Variants in ST3GAL2 observed in about 807,000 individuals in gnomAD.
ST3GAL2 encodes CMP-N-acetylneuraminate-beta-galactosamide-alpha-2,3-sialyltransferase 2.
In ST3GAL2, 16 loss-of-function variants were observed where a neutral mutation model predicts 37.5. The observed-to-expected ratio is 0.43, with a 90% CI of 0.29 to 0.65. The LOEUF is 0.65. ST3GAL2 is among the 30% of genes least tolerant of loss of function. The pLI, the probability that ST3GAL2 is intolerant of heterozygous loss-of-function variation, is 0.17. For synonymous variants in ST3GAL2, 238 were observed against 202.9 expected, an observed-to-expected ratio of 1.17 and a Z score of -1.47; for missense variants, 383 against 487.8, an observed-to-expected ratio of 0.79 and a Z score of 2.02.
chr16:70,387,310 G>A (rs1030398074), intron 4 of ST3GAL2, among the ~76,000 whole-genome samples: 4 of 151,760 alleles, frequency 2.6e-5, no homozygotes, highest in Admixed American at 6.6e-5. Context: ...ATCTCAACAC[G>A]ATGGGAGCCT....
At position 70,388,692 on chromosome 16, in the gene ST3GAL2, A is replaced by C. The variant is rs149319450; in HGVS notation, c.534-146T>G. The C allele has an allele frequency of 1.8e-4, 156 of 865,972 alleles. 1 individual carries two copies. In the African/African-American group the frequency reaches 2.4e-3, roughly 13 times the overall value. 53.6% of individuals were successfully genotyped at this position (865,972 alleles called of 1,614,324 possible). A position where few individuals can be genotyped will look rare whatever the true frequency, so the allele number is the denominator to read the frequency against. On this transcript the variant is annotated intron_variant, in intron 3 of 6. Coordinates refer to ENST00000342907, the MANE Select transcript of ST3GAL2 (RefSeq NM_006927.4). ...TTCCATTGCTAGAAATCTGCCCTAT[A>C]AAAATGGTTACAAAGGTGTGCAAAG...
intron 4 of ST3GAL2, among the ~76,000 whole-genome samples, chr16:70,387,817 C>G (rs997719483): frequency 2.6e-5 from 4 of 151,918 alleles, no homozygotes; most frequent in Non-Finnish European, 4.4e-5. Context: ...GAAAGGAGAC[C>G]AAAACCAGAT....
chr16:70,394,103 CCTGTT>C (rs1328077723), intron 3 of ST3GAL2, among the ~76,000 whole-genome samples: 1 of 152,166 alleles, frequency 6.6e-6, no homozygotes, highest in Non-Finnish European at 1.5e-5. Flanking sequence ...CCCCCTATTC[CCTGTT>C]CACGCCCAGG....
intron 1 of ST3GAL2, among the ~76,000 whole-genome samples, chr16:70,426,193 T>G (rs977320531): frequency 9.1e-5 from 13 of 142,940 alleles, no homozygotes; most frequent in Non-Finnish European, 1.7e-4. Context: ...TTTTTTTTTT[T>G]TTTTTTTTTT....
chr16:70,418,257 G>GA (rs2047689256), intron 1 of ST3GAL2, among the ~76,000 whole-genome samples: 1 of 152,158 alleles, frequency 6.6e-6, no homozygotes, highest in Non-Finnish European at 1.5e-5. Flanking sequence ...AAACAATCAG[G>GA]CCAGCTTCCT....
chr16:70,437,659 G>A (rs1251706953), intron 1 of ST3GAL2, among the ~76,000 whole-genome samples: 2 of 152,182 alleles, frequency 1.3e-5, no homozygotes, highest in African/African-American at 2.4e-5. Context: ...TTCCTCCACA[G>A]AGAGATCAGG....
At chr16:70,420,565 G>A (rs1313153556) in intron 1 of ST3GAL2, among the ~76,000 whole-genome samples, 3 of 152,204 alleles carry the variant, frequency 2.0e-5, no homozygotes, top group Non-Finnish European at 4.4e-5. Flanking sequence ...TGGCGAAAGG[G>A]CCTGCAGACG....
chr16:70,392,717 GGT>G (rs2047490000), intron 3 of ST3GAL2, among the ~76,000 whole-genome samples: 1 of 152,130 alleles, frequency 6.6e-6, no homozygotes, highest in Non-Finnish European at 1.5e-5. Context: ...CCCTCCAGTG[GGT>G]CTTGCTTCCA....
chr16:70,377,059 A>AT lies in ST3GAL2; in HGVS notation c.*4629dup, dbSNP rs2047353098. On this transcript the variant is annotated 3_prime_UTR_variant, in exon 7 of 7. Coordinates refer to ENST00000342907, the MANE Select transcript of ST3GAL2 (RefSeq NM_006927.4). ...CCTGGCCATAAAATGTTTTTAAAAA[A>AT]TTTTTTAGCTAGGCTCTAGCTGCTC... The AT allele has an allele frequency of 1.3e-5, 2 of 151,742 alleles. No individual in the cohort carries two copies. Among genetic ancestry groups the AT allele is most frequent in the Non-Finnish European group, 1.5e-5 (1 of 67,976 alleles). 9.4% of individuals were successfully genotyped at this position (151,742 alleles called of 1,614,324 possible).
intron 1 of ST3GAL2, among the ~76,000 whole-genome samples, chr16:70,436,816 A>G (rs1389518012): frequency 6.6e-6 from 1 of 152,220 alleles, no homozygotes; most frequent in Admixed American, 6.5e-5. Context: ...GAGCATCCAC[A>G]GTCTAATGAG....
intron 1 of ST3GAL2, among the ~76,000 whole-genome samples, chr16:70,409,725 C>T (rs901455809): frequency 2.0e-5 from 3 of 151,918 alleles, no homozygotes; most frequent in Non-Finnish European, 4.4e-5. Flanking sequence ...ACTGTAGACT[C>T]GACCACCTGG....
intron 1 of ST3GAL2, among the ~76,000 whole-genome samples, chr16:70,408,157 G>A (rs924227925): frequency 1.3e-5 from 2 of 152,120 alleles, no homozygotes; most frequent in African/African-American, 4.8e-5. Flanking sequence ...AGGAGTCCCA[G>A]GACCAGCTGA....
intron 1 of ST3GAL2, among the ~76,000 whole-genome samples, chr16:70,406,772 C>G (rs561301270): frequency 6.8e-6 from 1 of 146,768 alleles, no homozygotes; most frequent in Non-Finnish European, 1.5e-5. Context: ...CAGAGTGAGA[C>G]TCTGTCTCAA....
chr16:70,400,523 G>A (rs1034343739), intron 1 of ST3GAL2: 4 of 152,294 alleles, frequency 2.6e-5, no homozygotes, highest in African/African-American at 7.2e-5. Flanking sequence ...CACTTTTGGG[G>A]TCTCCTGGCT....
intron 1 of ST3GAL2, among the ~76,000 whole-genome samples, chr16:70,412,884 A>G (rs1232173581): frequency 6.6e-6 from 1 of 151,806 alleles, no homozygotes. Flanking sequence ...GCGTCTCTAT[A>G]ATAAAAAATA....
intron 1 of ST3GAL2, among the ~76,000 whole-genome samples, chr16:70,416,441 A>G (rs2047677173): frequency 6.6e-6 from 1 of 152,186 alleles, no homozygotes; most frequent in African/African-American, 2.4e-5. Context: ...AAAGAACCCT[A>G]AGAACTCTCA....
At position 70,399,184 on chromosome 16, in the gene ST3GAL2, CGCAGTAGGTCTTGCCCTTCT is replaced by C; in HGVS notation, c.-674_-655del. On this transcript the variant is annotated 5_prime_UTR_variant, in exon 2 of 7. It removes the in-frame stop codon of an upstream open reading frame in the 5' UTR. Coordinates refer to ENST00000342907, the MANE Select transcript of ST3GAL2 (RefSeq NM_006927.4). Reference sequence around the variant, plus strand: ...CCGCTGCAGAGATCGAGATCCTTTCCGCAGTAGGTCTTGCCCTTCTGCTTCCCATCTGAGGTGCTGGTCCC... The same window carrying C: ...CCGCTGCAGAGATCGAGATCCTTTCCGCTTCCCATCTGAGGTGCTGGTCCC... 2.5e-6 allele frequency: 1 copy of C among 398,892 alleles called. No individual in the cohort carries two copies. Among genetic ancestry groups the C allele is most frequent in the Admixed American group, 4.4e-5 (1 of 22,750 alleles). The allele number at this position is 398,892 out of a possible 1,614,324, so 24.7% of individuals were successfully genotyped here. A position where few individuals can be genotyped will look rare whatever the true frequency, so the allele number is the denominator to read the frequency against.
At chr16:70,431,985 ATT>A (rs1448666350) in intron 1 of ST3GAL2, among the ~76,000 whole-genome samples, 2 of 139,014 alleles carry the variant, frequency 1.4e-5, no homozygotes. Flanking sequence ...ATATATATAT[ATT>A]TTTTTTTAAC....
At chr16:70,408,086 G>A (rs1369901046) in intron 1 of ST3GAL2, among the ~76,000 whole-genome samples, 1 of 152,078 alleles carries the variant, frequency 6.6e-6, no homozygotes, top group Non-Finnish European at 1.5e-5. Context: ...CTGCTCCAAT[G>A]GACCGATGCT....
Sources: allele counts gnomAD v4.1 joint callset (sites outside exome capture counted in the v4.1 genomes callset), GRCh38; gene constraint gnomAD v4.1.1; transcripts MANE v1.5; gene names NCBI Gene and HGNC (gene_info 2026-07-23, HGNC 2026-07-21).